ATAD2: variants seen among roughly 807,000 people sequenced by gnomAD.
ATAD2 encodes ATPase family AAA domain-containing protein 2.
ATAD2 carries 62 observed loss-of-function variants against 168.9 expected under a neutral mutation model. The observed-to-expected ratio is 0.37, with a 90% CI of 0.30 to 0.45. The LOEUF is 0.45. ATAD2 is among the 20% of genes least tolerant of loss of function. The probability of loss-of-function intolerance (pLI) is 1.00; values close to 1 mark genes in which losing one functional copy is unlikely to be tolerated. For synonymous variants in ATAD2, 613 were observed against 571.6 expected (o/e 1.07, Z -1.03); for missense variants, 1,419 against 1,667.8 (o/e 0.85, Z 2.60).
At chr8:123,322,833 A>G in intron 27 of ATAD2, 105 bp downstream of exon 27, 1 of 1,190,104 alleles carries the variant, frequency 8.4e-7, no homozygotes, top group Non-Finnish European at 1.1e-6. Context: ...AGTTCCTACA[A>G]TCAGTTTCTT....
chr8:123,406,382 CAAAAAA>C (rs34085644), intron 1 of ATAD2, among the ~76,000 whole-genome samples: 1 of 90,856 alleles, frequency 1.1e-5, no homozygotes, highest in Non-Finnish European at 2.0e-5. Flanking sequence ...ACTGTCTCAC[CAAAAAA>C]AAAAAAAAAA....
chr8:123,379,957 G>A (rs999097453), intron 2 of ATAD2, among the ~76,000 whole-genome samples: 4 of 145,008 alleles, frequency 2.8e-5, no homozygotes, highest in Admixed American at 1.4e-4. Flanking sequence ...CATGATCTCC[G>A]CTCACTGCAA....
At chr8:123,370,136 TA>T (rs563477611) in intron 6 of ATAD2, 112 bp from the exon 7 acceptor site, 64,904 of 569,340 alleles carry the variant, frequency 0.11, no homozygotes, top group East Asian at 0.15. Context: ...TATCTACTCC[TA>T]AAAAAAAAAA....
At chr8:123,359,481 G>A in intron 10 of ATAD2, 96 bp downstream of exon 10, 2 of 1,315,008 alleles carry the variant, frequency 1.5e-6, no homozygotes, top group Non-Finnish European at 2.1e-6. Flanking sequence ...TTAGAGTTTT[G>A]ACTAAAAAGA....
At chr8:123,324,203 A>G (rs553056472) in intron 26 of ATAD2, among the ~76,000 whole-genome samples, 1 of 152,348 alleles carries the variant, frequency 6.6e-6, no homozygotes, top group Admixed American at 6.5e-5. Context: ...AAGTGTAGAC[A>G]TCAAGTTCTT....
At chr8:123,351,707 T>C (rs563684776) in intron 13 of ATAD2, among the ~76,000 whole-genome samples, 15 of 152,142 alleles carry the variant, frequency 9.9e-5, no homozygotes, top group Admixed American at 6.6e-4. Context: ...CTCAGCAACC[T>C]TAGGTGACCA....
At chr8:123,404,029 A>C (rs1813039373) in intron 1 of ATAD2, among the ~76,000 whole-genome samples, 1 of 152,188 alleles carries the variant, frequency 6.6e-6, no homozygotes, top group Admixed American at 6.5e-5. Flanking sequence ...AATCAGAGGT[A>C]ACTCTCTTCT....
Position 123,402,061 on chromosome 8 carries a change from T to A in ATAD2, c.-2281-886A>T, listed in dbSNP as rs1586913074. On this transcript the variant is annotated intron_variant, in intron 1 of 28. Coordinates refer to the ATAD2 transcript ENST00000521903. This position sits in a 1 kb window ranked among gnomAD's most constrained non-coding sequence, Gnocchi z 4.8. ...AGAAGCGTACCATGTCGGCCCAGAT[T>A]GAGGGTGGCGTCCATGGCCTGCACT... is the stretch of plus-strand genomic sequence containing the variant. 6.7e-7 allele frequency: 1 copy of A among 1,492,614 alleles called. No individual in the cohort carries two copies. The highest frequency in any genetic ancestry group is 2.3e-5 in the East Asian group (1 of 44,072). 92.5% of individuals were successfully genotyped at this position (1,492,614 alleles called of 1,614,324 possible). A position where few individuals can be genotyped will look rare whatever the true frequency, so the allele number is the denominator to read the frequency against.
intron 1 of ATAD2, among the ~76,000 whole-genome samples, chr8:123,408,978 C>T (rs1813110388): frequency 1.3e-5 from 2 of 152,038 alleles, no homozygotes. Context: ...CAGGCGCGTG[C>T]CACCACGCCT....
chr8:123,351,248 C>T (rs184748768), intron 13 of ATAD2, among the ~76,000 whole-genome samples: 92 of 152,216 alleles, frequency 6.0e-4, no homozygotes, highest in African/African-American at 2.1e-3. Flanking sequence ...TATCTTACTG[C>T]TTGAGTGGCC....
rs188429488 is a variant in ATAD2, at chr8:123,386,788, A to G, written c.172-6111T>C. Among the ~76,000 whole-genome samples the G allele has an allele frequency of 1.3e-3, 200 of 152,212 alleles. 3 individuals carry two copies. In the Middle Eastern group the frequency reaches 0.014, roughly 10 times the overall value. On this transcript the variant is annotated intron_variant, in intron 1 of 27. Transcript: ENST00000287394. ...GATGGGGACAATACTAGGAAAAAAC[A>G]TTTCCTAAGAAACTTGGAAGACAAT...
At chr8:123,409,715 C>T (rs1813124294) in intron 1 of ATAD2, among the ~76,000 whole-genome samples, 1 of 151,874 alleles carries the variant, frequency 6.6e-6, no homozygotes, top group African/African-American at 2.4e-5. Flanking sequence ...CGTCTGTAAT[C>T]CCAGCACTTT....
chr8:123,359,171 G>A (rs1828736192), intron 11 of ATAD2, 50 bp downstream of exon 11: 1 of 1,365,318 alleles, frequency 7.3e-7, no homozygotes, highest in Non-Finnish European at 1.0e-6. Context: ...ACTACAAGAA[G>A]CAAGAATAGC....
chr8:123,325,144 C>T (rs1333587300), intron 26 of ATAD2, among the ~76,000 whole-genome samples: 2 of 133,114 alleles, frequency 1.5e-5, no homozygotes, highest in Non-Finnish European at 3.1e-5. Context: ...CTCTTGTCAT[C>T]CAGGCTGGAA....
chr8:123,335,103 C>T (rs1586860521), intron 22 of ATAD2, among the ~76,000 whole-genome samples: 1 of 152,140 alleles, frequency 6.6e-6, no homozygotes, highest in East Asian at 1.9e-4. Flanking sequence ...TCCAGTGATC[C>T]ATATTTTATG....
Position 123,402,383 on chromosome 8 carries a change from C to T in ATAD2, c.-2281-1208G>A, listed in dbSNP as rs1813014039. Among the ~76,000 whole-genome samples, 1 of 151,968 alleles carries T rather than the reference C, an allele frequency of 6.6e-6. No homozygotes were observed. Among genetic ancestry groups the T allele is most frequent in the African/African-American group, 2.4e-5 (1 of 41,312 alleles). ...CCTACGCCTGCTTCAGGTCTTGCTG[C>T]AGCCTGCTGCAGCCTGGCCCCCACC... On this transcript the variant is annotated intron_variant, in intron 1 of 28. Coordinates refer to the ATAD2 transcript ENST00000521903. This position sits in a 1 kb window ranked among gnomAD's most constrained non-coding sequence, Gnocchi z 4.8.
At chr8:123,393,745 C>T (rs565020587) in intron 1 of ATAD2, among the ~76,000 whole-genome samples, 23 of 151,918 alleles carry the variant, frequency 1.5e-4, no homozygotes, top group African/African-American at 4.1e-4. Context: ...AGTGAAACAC[C>T]GTCTCCACCA....
chr8:123,337,869 G>C, intron 20 of ATAD2, 48 bp from the exon 21 acceptor site: 1 of 1,495,994 alleles, frequency 6.7e-7, no homozygotes, highest in Non-Finnish European at 9.0e-7. Context: ...ATAACATTGA[G>C]GTTGACAAAT....
intron 25 of ATAD2, among the ~76,000 whole-genome samples, chr8:123,326,686 C>T (rs952784584): frequency 6.6e-6 from 1 of 151,756 alleles, no homozygotes; most frequent in Non-Finnish European, 1.5e-5. Flanking sequence ...TCAAAACAAA[C>T]AAACCAACCC....
Sources: allele counts gnomAD v4.1 joint callset (sites outside exome capture counted in the v4.1 genomes callset), GRCh38; gene constraint gnomAD v4.1.1; non-coding constraint Gnocchi (gnomAD v3.1); transcripts MANE v1.5; gene names NCBI Gene and HGNC (gene_info 2026-07-23, HGNC 2026-07-21).